The following MEGF6 variants were observed in gnomAD, a reference collection of about 807,000 sequenced individuals.
MEGF6 encodes the protein multiple epidermal growth factor-like domains protein 6.
In MEGF6, 184 loss-of-function variants were observed where a neutral mutation model predicts 207.1. That is an observed-to-expected ratio of 0.89 (90% CI 0.79 to 1.00). MEGF6 has a LOEUF of 1.00. Ranked by LOEUF, MEGF6 falls within the 50% of genes least tolerant of loss-of-function variation. MEGF6 has a pLI of 0.00. For missense variants in MEGF6, 2,282 were observed against 2,202.9 expected, an observed-to-expected ratio of 1.04 and a Z score of -0.72; for synonymous variants, 1,038 against 910.0, an observed-to-expected ratio of 1.14 and a Z score of -2.53.
chr1:3,548,002 G>A (rs1192623905), intron 4 of MEGF6, among the ~76,000 whole-genome samples: 1 of 152,060 alleles, frequency 6.6e-6, no homozygotes, highest in Non-Finnish European at 1.5e-5. Context: ...CTGCTGAACT[G>A]CACCATCCAA....
At chr1:3,520,586 G>A (rs113340025) in intron 5 of MEGF6, among the ~76,000 whole-genome samples, 2,273 of 152,164 alleles carry the variant, frequency 0.015, 44 homozygotes, top group African/African-American at 0.051. Context: ...AGGACTGAGC[G>A]GCCGGGGCAA....
chr1:3,518,080 G>A (rs955447817), intron 5 of MEGF6, among the ~76,000 whole-genome samples: 1 of 152,210 alleles, frequency 6.6e-6, no homozygotes, highest in Non-Finnish European at 1.5e-5. Flanking sequence ...GCAACTGACT[G>A]TTGTTGGGGG....
chr1:3,550,195 T>A (rs905918489), intron 4 of MEGF6, among the ~76,000 whole-genome samples: 1 of 151,852 alleles, frequency 6.6e-6, no homozygotes, highest in Non-Finnish European at 1.5e-5. Context: ...CCAAGATAAA[T>A]AGAAACAGGG....
At chr1:3,557,084 G>GGAGCCACGT (rs1324355840) in intron 4 of MEGF6, among the ~76,000 whole-genome samples, 4 of 152,152 alleles carry the variant, frequency 2.6e-5, no homozygotes, top group African/African-American at 4.8e-5. Flanking sequence ...TGCCTTGGAA[G>GGAGCCACGT]GACGAGGAAG....
At chr1:3,525,388 C>A (rs866306579) in intron 4 of MEGF6, among the ~76,000 whole-genome samples, 16 of 152,230 alleles carry the variant, frequency 1.1e-4, no homozygotes, top group African/African-American at 3.4e-4. Context: ...TGAGGCCTCT[C>A]CCCGCATCTG....
chr1:3,516,964 A>C (rs1261681047), intron 5 of MEGF6, among the ~76,000 whole-genome samples: 2 of 152,010 alleles, frequency 1.3e-5, no homozygotes, highest in African/African-American at 4.8e-5. Flanking sequence ...CGCCCCATCC[A>C]CCTAACTGCC....
the MEGF6 span, among the ~76,000 whole-genome samples, chr1:3,616,584 T>C: frequency 1.1e-4 from 16 of 151,534 alleles, no homozygotes; most frequent in African/African-American, 3.7e-4. Flanking sequence ...AGGCCGGGGG[T>C]GAGAGACGGG....
intron 4 of MEGF6, among the ~76,000 whole-genome samples, chr1:3,572,656 T>TG (rs1284024665): frequency 4.3e-5 from 5 of 117,228 alleles, no homozygotes; most frequent in South Asian, 3.0e-4. Context: ...GGGTCCTTCC[T>TG]GGTGTACTGG....
chr1:3,540,510 C>G (rs961344657), intron 4 of MEGF6, among the ~76,000 whole-genome samples: 6 of 152,244 alleles, frequency 3.9e-5, no homozygotes, highest in African/African-American at 1.4e-4. Context: ...TGAGGCCTCA[C>G]CACACCTCCA....
At position 3,602,332 on chromosome 1, in the gene MEGF6, G is replaced by A. The variant is rs1369856412; in HGVS notation, c.266+134C>T. On this transcript the variant is annotated intron_variant, in intron 2 of 36. Transcript: ENST00000356575. ...TGGGAGAGGCCTCATGCTCAGATGA[G>A]GGCTTCAGGCAGGGGTTGCGTGTGG... 5.2e-6 allele frequency: 7 copies of A among 1,344,966 alleles called. No individual in the cohort carries two copies. In the East Asian group the frequency reaches 1.8e-4, roughly 34 times the overall value. 83.3% of individuals were successfully genotyped at this position (1,344,966 alleles called of 1,614,324 possible). A position where few individuals can be genotyped will look rare whatever the true frequency, so the allele number is the denominator to read the frequency against.
At position 3,488,574 on chromosome 1, in the gene MEGF6, G is replaced by A. The variant is rs1640233167; in HGVS notation, c.*1954C>T. 2.0e-5 allele frequency among the ~76,000 whole-genome samples: 3 copies of A among 152,224 alleles called. No homozygotes were observed. The highest frequency in any genetic ancestry group is 2.1e-4 in the South Asian group (1 of 4,834). On this transcript the variant is annotated 3_prime_UTR_variant, in exon 37 of 37. Transcript: ENST00000356575. ...CAGGCTTTTCTGTAGAAAAATGGCC[G>A]AGGCCTTGAAGGCCTAAGAATAACA...
rs1460206422 is a variant in MEGF6 at position 3,525,505 on chromosome 1, C to A, written c.482-1259G>T. Among the ~76,000 whole-genome samples, 3 of 152,362 alleles carry A rather than the reference C, an allele frequency of 2.0e-5. No individual in the cohort carries two copies. The East Asian group carries it at 5.8e-4, about 29-fold the overall frequency. On this transcript the variant is annotated intron_variant, in intron 4 of 36. Transcript: ENST00000356575. ...TTGTCCCTCCCACTGCTTACCAAGC[C>A]CCCTGAACAAGCGTGGCTGAAGAGA...
chr1:3,546,454 C>T (rs904852358), intron 4 of MEGF6, among the ~76,000 whole-genome samples: 1 of 152,206 alleles, frequency 6.6e-6, no homozygotes, highest in Non-Finnish European at 1.5e-5. Context: ...GAGTGGGGAG[C>T]GAGTTGGGTG....
chr1:3,607,859 G>C lies in MEGF6; in HGVS notation c.131+3279C>G, dbSNP rs12096227. Among the ~76,000 whole-genome samples the C allele has an allele frequency of 2.9e-3, 440 of 152,354 alleles. 1 individual carries two copies. The highest frequency in any genetic ancestry group is 0.01 in the African/African-American group (425 of 41,578). On this transcript the variant is annotated intron_variant, in intron 1 of 36. Transcript: ENST00000356575. ...GCCGGGGCTCCACGGGCAAGAGATG[G>C]GCGGGCATGCTGCGGGGTCCCTCCA...
chr1:3,524,059 C>A (rs1487430180), intron 5 of MEGF6, 65 bp downstream of exon 5: 1 of 1,556,106 alleles, frequency 6.4e-7, no homozygotes, highest in Non-Finnish European at 8.7e-7. Context: ...CAGGCCTGGG[C>A]ACACCCCAGA....
rs1557728284 is a variant in MEGF6, at chr1:3,505,392, C to CA, written c.2053+29_2053+30insT. 37 of 1,600,718 alleles carry CA rather than the reference C, an allele frequency of 2.3e-5. 1 individual carries two copies. The highest frequency in any genetic ancestry group is 5.2e-5 in the Admixed American group (3 of 58,072). On this transcript the variant is annotated intron_variant, in intron 16 of 36. Transcript: ENST00000356575. ...GTGGGGTTAACCGACCCTGGCGCCC[C>CA]CCGCCCCCAGACCCCATGCCTGGAC...
chr1:3,609,076 G>A (rs34852522), intron 1 of MEGF6, among the ~76,000 whole-genome samples: 71,063 of 152,144 alleles, frequency 0.47, 18,921 homozygotes, highest in Non-Finnish European at 0.61. Flanking sequence ...CCGCTGCCCC[G>A]TGCCAAGCCC....
chr1:3,568,254 C>T (rs568537270), intron 4 of MEGF6, among the ~76,000 whole-genome samples: 1 of 152,144 alleles, frequency 6.6e-6, no homozygotes, highest in East Asian at 1.9e-4. Flanking sequence ...GTGTCATAGA[C>T]ACACTGGGCC....
At position 3,494,057 on chromosome 1, in the gene MEGF6, G is replaced by A. The variant is rs755976363; in HGVS notation, c.4197C>T (p.Cys1399=). Residue 1399 remains cysteine (C), a synonymous_variant, in exon 33 of 37, where the codon TGC becomes TGT. Transcript: ENST00000356575. ...AGAGGCATCGGCCACTGATGGGGTCGCAGGGGGCTCCATGTTGACACCAGC... is the reference window on the plus strand; with the variant it reads ...AGAGGCATCGGCCACTGATGGGGTCACAGGGGGCTCCATGTTGACACCAGC... ...GLCWCQHGAP[C]DPISGRCLCP... 41 of 1,606,752 alleles carry A rather than the reference G, an allele frequency of 2.6e-5. No individual in the cohort carries two copies. In the South Asian group the frequency reaches 2.7e-4, roughly 10 times the overall value.
Sources: allele counts gnomAD v4.1 joint callset (sites outside exome capture counted in the v4.1 genomes callset), GRCh38; gene constraint gnomAD v4.1.1; transcripts MANE v1.5; gene names NCBI Gene and HGNC (gene_info 2026-07-23, HGNC 2026-07-21).